Variants in SAMSN1 observed in about 807,000 individuals in gnomAD.
SAMSN1 encodes SAM domain, SH3 domain and nuclear localization signals 1.
SAMSN1 carries 31 observed loss-of-function variants against 42.0 expected under a neutral mutation model. The ratio of observed to expected loss-of-function variants is 0.74; its 90% CI spans 0.55 to 1.00. The LOEUF is 1.00. Ranked by LOEUF, SAMSN1 falls within the 50% of genes least tolerant of loss-of-function variation. The pLI, the probability that SAMSN1 is intolerant of heterozygous loss-of-function variation, is 0.00. For synonymous variants in SAMSN1, 178 were observed against 151.9 expected (o/e 1.17, Z -1.26); for missense variants, 464 against 439.4 (o/e 1.06, Z -0.50).
chr21:14,583,502 A>C (rs577794919), upstream of SAMSN1: 4 of 583,770 alleles, frequency 6.9e-6, no homozygotes, highest in African/African-American at 7.6e-5. Context: ...ACAGATGGGG[A>C]TGTCTGTTTT....
intron 3 of SAMSN1, among the ~76,000 whole-genome samples, chr21:14,615,149 C>T (rs1425390990): frequency 6.6e-6 from 1 of 152,126 alleles, no homozygotes; most frequent in Non-Finnish European, 1.5e-5. Context: ...TTCTTTACTC[C>T]ACCTCGTGCT....
At chr21:14,651,654 C>G (rs1363486777) in intron 1 of SAMSN1, among the ~76,000 whole-genome samples, 1 of 151,928 alleles carries the variant, frequency 6.6e-6, no homozygotes, top group Non-Finnish European at 1.5e-5. Context: ...TGTTATTCCA[C>G]ATAGTACTGG....
At chr21:14,615,926 A>C in intron 3 of SAMSN1, 1 of 497,102 alleles carries the variant, frequency 2.0e-6, no homozygotes, top group African/African-American at 2.0e-5. Flanking sequence ...TTCACATTCA[A>C]CATTACAGAA....
intron 5 of SAMSN1, among the ~76,000 whole-genome samples, chr21:14,507,810 T>C (rs1310664177): frequency 6.6e-6 from 1 of 150,600 alleles, no homozygotes; most frequent in African/African-American, 2.5e-5. Flanking sequence ...TACTATAGGC[T>C]ATAGTCACCA....
intron 7 of SAMSN1, among the ~76,000 whole-genome samples, chr21:14,494,942 T>C (rs182326993): frequency 3.9e-5 from 6 of 152,344 alleles, no homozygotes; most frequent in Admixed American, 2.0e-4. Flanking sequence ...CCTCAAGATA[T>C]GTGCCCATTT....
chr21:14,543,207 A>G (rs1324239489), intron 1 of SAMSN1, among the ~76,000 whole-genome samples: 1 of 152,184 alleles, frequency 6.6e-6, no homozygotes, highest in Non-Finnish European at 1.5e-5. Flanking sequence ...CTGTTATAGA[A>G]TATCTCTGGT....
intron 2 of SAMSN1, among the ~76,000 whole-genome samples, chr21:14,554,564 CAT>C (rs1260724744): frequency 6.6e-6 from 1 of 151,942 alleles, no homozygotes; most frequent in Non-Finnish European, 1.5e-5. Context: ...AAGCTGTTGT[CAT>C]ATGTCTGGAG....
intron 1 of SAMSN1, among the ~76,000 whole-genome samples, chr21:14,653,550 G>T (rs929480855): frequency 2.0e-5 from 3 of 151,866 alleles, no homozygotes; most frequent in Admixed American, 6.6e-5. Flanking sequence ...TGGGTACAAA[G>T]CAATAGAAAG....
chr21:14,643,803 G>A (rs907323426), intron 1 of SAMSN1, among the ~76,000 whole-genome samples: 5 of 152,142 alleles, frequency 3.3e-5, no homozygotes, highest in East Asian at 1.9e-4. Flanking sequence ...AATCTCCGAC[G>A]CCACTCCTCC....
At position 14,518,320 on chromosome 21, in the gene SAMSN1, T is replaced by C. The variant is rs144248305; in HGVS notation, c.130-1279A>G. Among the ~76,000 whole-genome samples, 269 of 152,370 alleles carry C rather than the reference T, an allele frequency of 1.8e-3. 1 individual carries two copies. The highest frequency in any genetic ancestry group is 6.4e-3 in the African/African-American group (265 of 41,582). ...TGATTATTGTCTGCGTCTCCCACTA[T>C]GATGCATGCTCCATGAGACTTGAGA... On this transcript the variant is annotated intron_variant, in intron 2 of 7. Coordinates refer to ENST00000400566, the MANE Select transcript of SAMSN1 (RefSeq NM_022136.5).
intron 1 of SAMSN1, among the ~76,000 whole-genome samples, chr21:14,521,683 A>G (rs954904865): frequency 1.1e-4 from 17 of 152,044 alleles, no homozygotes; most frequent in African/African-American, 3.6e-4. Context: ...CACAAAGATC[A>G]AGTTTGTTCA....
intron 2 of SAMSN1, among the ~76,000 whole-genome samples, chr21:14,572,619 G>A (rs1479402566): frequency 6.6e-6 from 1 of 152,188 alleles, no homozygotes; most frequent in Non-Finnish European, 1.5e-5. Context: ...TAAAATGGCA[G>A]TAATGCTTTG....
intron 2 of SAMSN1, among the ~76,000 whole-genome samples, chr21:14,580,420 C>A (rs969112344): frequency 3.3e-5 from 5 of 152,138 alleles, no homozygotes; most frequent in African/African-American, 1.2e-4. Context: ...AACAGCTTAG[C>A]CACTTGCCAA....
chr21:14,528,922 A>G lies in SAMSN1; in HGVS notation c.58-7701T>C, dbSNP rs1207022042. 1.2e-4 allele frequency among the ~76,000 whole-genome samples: 18 copies of G among 152,296 alleles called. 2 individuals are homozygous for G. Among genetic ancestry groups the G allele is most frequent in the South Asian group, 1.0e-3 (5 of 4,828 alleles). The stretch of plus-strand genomic sequence containing the variant: ...GTAATTATTTCATTAGATAAACACA[A>G]TCCCCCTCTGAGTTAGGCATTAACT... On this transcript the variant is annotated intron_variant, in intron 1 of 7. Transcript: ENST00000400566.
intron 2 of SAMSN1, among the ~76,000 whole-genome samples, chr21:14,562,863 G>T (rs541545271): frequency 2.6e-5 from 4 of 152,088 alleles, no homozygotes; most frequent in Non-Finnish European, 5.9e-5. Flanking sequence ...CCAATGTAAT[G>T]AACTGTTATG....
chr21:14,641,594 T>C (rs1469590920), intron 2 of SAMSN1, among the ~76,000 whole-genome samples: 1 of 152,150 alleles, frequency 6.6e-6, no homozygotes, highest in Non-Finnish European at 1.5e-5. Context: ...ATTTCATGTA[T>C]ACATCTATTA....
upstream of SAMSN1, among the ~76,000 whole-genome samples, chr21:14,547,709 T>C (rs1980463255): frequency 6.6e-6 from 1 of 152,154 alleles, no homozygotes; most frequent in Admixed American, 6.5e-5. Context: ...TTTTACTAAT[T>C]CATTTAACAA....
At chr21:14,574,711 T>C (rs1309963927) in intron 2 of SAMSN1, among the ~76,000 whole-genome samples, 1 of 152,158 alleles carries the variant, frequency 6.6e-6, no homozygotes, top group African/African-American at 2.4e-5. Context: ...AATTACATTT[T>C]CTCATTTTAT....
At chr21:14,584,609 T>G (rs1981860655), upstream of SAMSN1, among the ~76,000 whole-genome samples, 1 of 152,196 alleles carries the variant, frequency 6.6e-6, no homozygotes, top group Non-Finnish European at 1.5e-5. Flanking sequence ...TTGATAAAAA[T>G]CATTGTGTTC....
Sources: gnomAD v4.1 joint callset for allele counts (sites outside exome capture counted in the v4.1 genomes callset) on GRCh38, gnomAD v4.1.1 for gene constraint, MANE v1.5 for transcripts, NCBI Gene and HGNC (gene_info 2026-07-23, HGNC 2026-07-21) for gene names.